Variants in CTNND2 observed in about 807,000 individuals in gnomAD.
The protein encoded by CTNND2 is catenin delta-2.
A neutral mutation model predicts 144.4 loss-of-function variants in CTNND2; 22 were observed. That is an observed-to-expected ratio of 0.15 (90% CI 0.11 to 0.22). The LOEUF (loss-of-function observed/expected upper bound fraction) is 0.22. Among genes scored for constraint, CTNND2 ranks in the 10% least tolerant of loss-of-function variants. CTNND2 has a pLI of 1.00. For missense variants in CTNND2, 1,353 were observed against 1,618.8 expected (o/e 0.84, Z 2.82); for synonymous variants, 751 against 695.6 (o/e 1.08, Z -1.25).
At position 11,801,659 on chromosome 5, in the gene CTNND2, C is replaced by T. The variant is rs78049474; in HGVS notation, c.38-69387G>A. On this transcript the variant is annotated intron_variant, in intron 1 of 21. Coordinates refer to ENST00000304623, the MANE Select transcript of CTNND2 (RefSeq NM_001332.4). The stretch of plus-strand genomic sequence containing the variant: ...TTTTTCTTTTGTATATGCTTATATG[C>T]CCTTAGTTATACTGTATTATTTGGA... 7.8e-3 allele frequency among the ~76,000 whole-genome samples: 1,181 copies of T among 151,992 alleles called. 9 individuals are homozygous for T. Among genetic ancestry groups the T allele is most frequent in the Non-Finnish European group, 9.6e-3 (654 of 67,964 alleles).
At chr5:11,364,347 C>T (rs539979677) in intron 8 of CTNND2, among the ~76,000 whole-genome samples, 3 of 152,190 alleles carry the variant, frequency 2.0e-5, no homozygotes, top group Non-Finnish European at 2.9e-5. Flanking sequence ...ATCAAGCATA[C>T]GTCTTTCACG....
intron 5 of CTNND2, among the ~76,000 whole-genome samples, chr5:11,402,192 G>C (rs1355964238): frequency 6.6e-6 from 1 of 152,146 alleles, no homozygotes; most frequent in Non-Finnish European, 1.5e-5. Context: ...TTGGCACTTA[G>C]AGACAGTTCT....
chr5:11,114,418 AC>A (rs1176767287), intron 13 of CTNND2, among the ~76,000 whole-genome samples: 3 of 152,126 alleles, frequency 2.0e-5, no homozygotes, highest in Admixed American at 6.5e-5. Context: ...GATCACAGGG[AC>A]CACATTTATC....
intron 2 of CTNND2, among the ~76,000 whole-genome samples, chr5:11,716,339 G>T (rs998965170): frequency 7.9e-5 from 12 of 152,068 alleles, no homozygotes; most frequent in African/African-American, 2.4e-5. Context: ...GTTAACAAAG[G>T]ATAAATGTAA....
At chr5:11,192,715 G>A (rs764762976) in intron 11 of CTNND2, among the ~76,000 whole-genome samples, 1 of 152,182 alleles carries the variant, frequency 6.6e-6, no homozygotes, top group Non-Finnish European at 1.5e-5. Flanking sequence ...CCCCTAGAGC[G>A]TCCTGAAAGC....
rs141691579 is a variant in CTNND2 at position 11,253,420 on chromosome 5, G to A, written c.1629-16597C>T. ...TGGAAGATAATTGAATCATGGGGCT[G>A]TTTCCCCCATACTATTTTCATGCTA... On this transcript the variant is annotated intron_variant, in intron 9 of 21. Transcript: ENST00000304623. Among the ~76,000 whole-genome samples, 675 of 152,280 alleles carry A rather than the reference G, an allele frequency of 4.4e-3. 4 individuals are homozygous for A. Among genetic ancestry groups the A allele is most frequent in the African/African-American group, 0.016 (646 of 41,552 alleles).
chr5:11,325,886 C>T (rs553938088), intron 9 of CTNND2, among the ~76,000 whole-genome samples: 2 of 152,308 alleles, frequency 1.3e-5, no homozygotes, highest in South Asian at 4.1e-4. Flanking sequence ...GAGTGGTTCT[C>T]GCCAGTCTAT....
At chr5:11,770,125 A>T (rs4276406) in intron 1 of CTNND2, among the ~76,000 whole-genome samples, 3 of 152,152 alleles carry the variant, frequency 2.0e-5, no homozygotes, top group African/African-American at 7.2e-5. Context: ...TAGGATAAGG[A>T]AAGTCATTGA....
chr5:11,427,962 C>A (rs185676364), intron 3 of CTNND2, among the ~76,000 whole-genome samples: 1 of 152,010 alleles, frequency 6.6e-6, no homozygotes, highest in African/African-American at 2.4e-5. Context: ...TGGGGGGAGG[C>A]GAAAGGCACT....
chr5:11,494,486 G>T (rs1490680932), intron 3 of CTNND2, among the ~76,000 whole-genome samples: 2 of 152,028 alleles, frequency 1.3e-5, no homozygotes, highest in African/African-American at 4.8e-5. Context: ...AAAAAAATTT[G>T]AAATAAAATA....
rs563789577 is a variant in CTNND2 at position 11,035,703 on chromosome 5, G to A, written c.2789-12724C>T. 6.0e-4 allele frequency among the ~76,000 whole-genome samples: 91 copies of A among 152,182 alleles called. 1 individual carries two copies. The highest frequency in any genetic ancestry group is 2.1e-3 in the African/African-American group (86 of 41,514). On this transcript the variant is annotated intron_variant, in intron 16 of 21. Coordinates refer to ENST00000304623, the MANE Select transcript of CTNND2 (RefSeq NM_001332.4). ...ATAATGGAATGCATTTTTGTTTATC[G>A]AGGAAGAAAGTGTGTCTAAGGTTAA...
At chr5:11,396,995 GGA>G in intron 6 of CTNND2, 34 bp downstream of exon 6, 2 of 1,571,174 alleles carry the variant, frequency 1.3e-6, no homozygotes, top group South Asian at 2.3e-5. Context: ...CTGTCCCCTT[GGA>G]GTCCACTGAC....
At chr5:11,233,222 G>C (rs1741238908) in intron 10 of CTNND2, among the ~76,000 whole-genome samples, 1 of 152,068 alleles carries the variant, frequency 6.6e-6, no homozygotes, top group African/African-American at 2.4e-5. Context: ...GAAAAGCCAG[G>C]GATGAGGATT....
At chr5:11,870,766 G>T (rs1342662380) in intron 1 of CTNND2, among the ~76,000 whole-genome samples, 1 of 152,222 alleles carries the variant, frequency 6.6e-6, no homozygotes, top group African/African-American at 2.4e-5. Context: ...CAGGAAAATG[G>T]AAGTTAATGC....
At chr5:11,172,107 G>A (rs910891870) in intron 11 of CTNND2, among the ~76,000 whole-genome samples, 2 of 152,132 alleles carry the variant, frequency 1.3e-5, no homozygotes, top group Non-Finnish European at 2.9e-5. Context: ...TGATCCACCT[G>A]GGGGGCATTA....
intron 1 of CTNND2, among the ~76,000 whole-genome samples, chr5:11,756,032 C>A (rs11133668): frequency 0.88 from 132,729 of 151,644 alleles, 60,309 homozygotes; most frequent in Non-Finnish European, 0.99. Flanking sequence ...CTGAGTTATC[C>A]GAGTTCTTGT....
intron 8 of CTNND2, among the ~76,000 whole-genome samples, chr5:11,355,874 T>C (rs1282396515): frequency 6.6e-6 from 1 of 152,080 alleles, no homozygotes; most frequent in Non-Finnish European, 1.5e-5. Context: ...CAAAAATCTG[T>C]AGCATTTCTA....
intron 3 of CTNND2, among the ~76,000 whole-genome samples, chr5:11,426,880 T>G (rs528961373): frequency 6.6e-6 from 1 of 152,326 alleles, no homozygotes; most frequent in Non-Finnish European, 1.5e-5. Context: ...CTTTAATTCA[T>G]TTCTAACTCA....
chr5:11,345,434 T>C (rs1561252612), intron 9 of CTNND2, among the ~76,000 whole-genome samples: 1 of 152,156 alleles, frequency 6.6e-6, no homozygotes, highest in South Asian at 2.1e-4. Flanking sequence ...CATAAAATGA[T>C]CCCATTCTGC....
Sources: allele counts gnomAD v4.1 joint callset (sites outside exome capture counted in the v4.1 genomes callset), GRCh38; gene constraint gnomAD v4.1.1; transcripts MANE v1.5; gene names NCBI Gene and HGNC (gene_info 2026-07-23, HGNC 2026-07-21).